The following ANO4 variants were observed in gnomAD, a reference collection of about 807,000 sequenced individuals.
ANO4 encodes anoctamin 4, also known as anoctamin-4.
A neutral mutation model predicts 141.9 loss-of-function variants in ANO4; 69 were observed. That is an observed-to-expected ratio of 0.49 (90% confidence interval 0.40 to 0.59). The LOEUF (loss-of-function observed/expected upper bound fraction) is 0.59, where lower values mean the gene tolerates loss of function less well. Among genes scored for constraint, ANO4 ranks in the 20% least tolerant of loss-of-function variants. ANO4 has a pLI of 0.00. For missense variants in ANO4, 894 were observed against 1,162.2 expected (o/e 0.77, Z 3.36); for synonymous variants, 350 against 394.3 (o/e 0.89, Z 1.33).
At chr12:101,021,705 T>C (rs1281291837) in intron 9 of ANO4, among the ~76,000 whole-genome samples, 2 of 152,222 alleles carry the variant, frequency 1.3e-5, no homozygotes, top group African/African-American at 4.8e-5. Context: ...ATGTGTATTT[T>C]CTTTTCCTTT....
chr12:101,004,365 A>G (rs558399751), intron 8 of ANO4, among the ~76,000 whole-genome samples: 9 of 150,014 alleles, frequency 6.0e-5, no homozygotes, highest in African/African-American at 2.0e-4. Context: ...CCTCAAGGAT[A>G]TGGGGCAACG....
chr12:100,916,650 A>G (rs1364289516), intron 2 of ANO4, among the ~76,000 whole-genome samples: 4 of 152,164 alleles, frequency 2.6e-5, no homozygotes, highest in Non-Finnish European at 4.4e-5. Context: ...CTCATTTTTC[A>G]TAGAAAACAT....
chr12:100,724,969 T>C (rs1323230090), intron 1 of ANO4, among the ~76,000 whole-genome samples: 2 of 152,198 alleles, frequency 1.3e-5, no homozygotes, highest in South Asian at 4.1e-4. Flanking sequence ...TTAGATTGCT[T>C]TTTAAAAAAT....
At chr12:100,781,739 C>G (rs578068427) in intron 3 of ANO4, among the ~76,000 whole-genome samples, 1 of 152,202 alleles carries the variant, frequency 6.6e-6, no homozygotes. Flanking sequence ...TTCATTATCC[C>G]CTGCCATGGA....
At chr12:101,032,925 CT>C (rs1298746671) in intron 9 of ANO4, among the ~76,000 whole-genome samples, 1 of 151,620 alleles carries the variant, frequency 6.6e-6, no homozygotes, top group East Asian at 1.9e-4. Flanking sequence ...CCTCAGGGAT[CT>C]AGAACTAGAA....
At chr12:100,937,093 T>C (rs560939170) in intron 3 of ANO4, among the ~76,000 whole-genome samples, 47 of 152,286 alleles carry the variant, frequency 3.1e-4, no homozygotes, top group African/African-American at 1.1e-3. Context: ...AAGAATCATG[T>C]TAGGAAAACC....
chr12:101,104,549 A>G (rs1353434717), intron 22 of ANO4, among the ~76,000 whole-genome samples: 1 of 147,270 alleles, frequency 6.8e-6, no homozygotes, highest in Non-Finnish European at 1.5e-5. Context: ...CACTGTTATC[A>G]GAGTATATTC....
At chr12:100,820,869 T>C (rs2135735952) in intron 1 of ANO4, among the ~76,000 whole-genome samples, 1 of 152,224 alleles carries the variant, frequency 6.6e-6, no homozygotes, top group South Asian at 2.1e-4. Context: ...ACCCTGATTG[T>C]GCTGGGTGGA....
At chr12:100,752,671 GTT>G (rs2032436163) in intron 3 of ANO4, among the ~76,000 whole-genome samples, 1 of 152,120 alleles carries the variant, frequency 6.6e-6, no homozygotes, top group African/African-American at 2.4e-5. Flanking sequence ...GATTATTAAT[GTT>G]CATTTCAAAA....
chr12:100,842,075 C>CAA (rs1250550728), intron 1 of ANO4: 3 of 100,614 alleles, frequency 3.0e-5, no homozygotes, highest in South Asian at 9.1e-4. Flanking sequence ...CCCCCCCCCC[C>CAA]CCACTGAAAG....
chr12:101,052,915 A>G lies in ANO4; in HGVS notation c.1312+4514A>G, dbSNP rs1226015455. Among the ~76,000 whole-genome samples the G allele has an allele frequency of 2.6e-5, 4 of 152,244 alleles. No homozygotes were observed. In the East Asian group the frequency reaches 7.7e-4, roughly 29 times the overall value. ...CTCAGAGAGGTTATGCAACTTGCCC[A>G]GGATTCCAGTAGCTGATAAGGTGTG... is the stretch of plus-strand genomic sequence containing the variant. On this transcript the variant is annotated intron_variant, in intron 14 of 27. Transcript: ENST00000392977.
chr12:101,008,402 T>C (rs2045952655), intron 8 of ANO4, among the ~76,000 whole-genome samples: 1 of 152,200 alleles, frequency 6.6e-6, no homozygotes, highest in African/African-American at 2.4e-5. Context: ...GTTTTTCAGT[T>C]ATAGCAGAAT....
At chr12:101,097,602 A>T (rs759314477) in intron 19 of ANO4, 49 bp from the exon 20 acceptor site, 1 of 1,554,828 alleles carries the variant, frequency 6.4e-7, no homozygotes, top group South Asian at 1.1e-5. Context: ...TATTCGCTGA[A>T]AGCTTGGACC....
At chr12:100,733,059 A>G (rs1382117344) in intron 1 of ANO4, among the ~76,000 whole-genome samples, 1 of 152,330 alleles carries the variant, frequency 6.6e-6, no homozygotes, top group Admixed American at 6.5e-5. Flanking sequence ...ATACTGCAGC[A>G]GCCTCGCAAA....
intron 2 of ANO4, among the ~76,000 whole-genome samples, chr12:100,907,837 A>T (rs895207150): frequency 5.9e-5 from 9 of 152,182 alleles, no homozygotes; most frequent in Admixed American, 5.2e-4. Flanking sequence ...TTCTTATTTC[A>T]TTGCTATCTC....
intron 8 of ANO4, among the ~76,000 whole-genome samples, chr12:101,008,999 G>A (rs1052835933): frequency 2.0e-5 from 3 of 151,762 alleles, no homozygotes; most frequent in African/African-American, 7.3e-5. Context: ...GCATTCTCTA[G>A]TGACTTCCTA....
intron 1 of ANO4, among the ~76,000 whole-genome samples, chr12:100,889,765 A>G (rs916542404): frequency 6.6e-6 from 1 of 152,222 alleles, no homozygotes; most frequent in African/African-American, 2.4e-5. Context: ...ATGTGGAGAA[A>G]TAGGAACACT....
At chr12:100,866,518 A>T (rs1470475214) in intron 1 of ANO4, among the ~76,000 whole-genome samples, 1 of 152,102 alleles carries the variant, frequency 6.6e-6, no homozygotes, top group Non-Finnish European at 1.5e-5. Flanking sequence ...ATGGTCCTCA[A>T]TGTTGTATCA....
chr12:101,053,364 G>A (rs975897070), intron 14 of ANO4, among the ~76,000 whole-genome samples: 4 of 152,190 alleles, frequency 2.6e-5, no homozygotes, highest in African/African-American at 7.2e-5. Flanking sequence ...GAGGTTGAGT[G>A]TGTATTAGTT....
Sources: gnomAD v4.1 joint callset for allele counts (sites outside exome capture counted in the v4.1 genomes callset) on GRCh38, gnomAD v4.1.1 for gene constraint, MANE v1.5 for transcripts, NCBI Gene and HGNC (gene_info 2026-07-23, HGNC 2026-07-21) for gene names.